Variants in GSPT1 observed in about 807,000 individuals in gnomAD.
GSPT1 encodes the protein eukaryotic peptide chain release factor GTP-binding subunit ERF3A.
Under a neutral mutation model 72.5 loss-of-function variants are expected in GSPT1, and 20 were observed. That is an observed-to-expected ratio of 0.28 (90% CI 0.19 to 0.40). The LOEUF is 0.40. GSPT1 is among the 10% of genes least tolerant of loss of function. The pLI is 1.00. For missense variants in GSPT1, 580 were observed against 811.9 expected, an observed-to-expected ratio of 0.71 and a Z score of 3.47; for synonymous variants, 334 against 293.5, an observed-to-expected ratio of 1.14 and a Z score of -1.41.
intron 11 of GSPT1, among the ~76,000 whole-genome samples, chr16:11,880,514 A>T (rs1244935213): frequency 6.6e-6 from 1 of 152,172 alleles, no homozygotes; most frequent in East Asian, 1.9e-4. Context: ...TTTAATTGAG[A>T]TGGGATCTCA....
intron 10 of GSPT1, among the ~76,000 whole-genome samples, chr16:11,884,464 T>G (rs1055083746): frequency 6.6e-6 from 1 of 152,210 alleles, no homozygotes; most frequent in Non-Finnish European, 1.5e-5. Flanking sequence ...GTTATGTTGT[T>G]AATAAAGTTT....
At chr16:11,913,083 T>C (rs1337689537) in intron 1 of GSPT1, among the ~76,000 whole-genome samples, 4 of 152,202 alleles carry the variant, frequency 2.6e-5, no homozygotes, top group Non-Finnish European at 5.9e-5. Context: ...AAAAAAACCT[T>C]GCAAACTTTT....
chr16:11,881,551 A>C (rs1255812162), intron 11 of GSPT1: 1 of 149,990 alleles, frequency 6.7e-6, no homozygotes, highest in East Asian at 2.0e-4. Flanking sequence ...TAATTCTAAA[A>C]CTTCATTGTC....
chr16:11,876,867 C>G (rs551493278), intron 12 of GSPT1, among the ~76,000 whole-genome samples: 40 of 152,230 alleles, frequency 2.6e-4, no homozygotes, highest in Non-Finnish European at 4.1e-4. Context: ...CCAGCTTTAT[C>G]CATTTCTCAA....
At chr16:11,888,422 A>C (rs970891116) in intron 6 of GSPT1, among the ~76,000 whole-genome samples, 1 of 151,024 alleles carries the variant, frequency 6.6e-6, no homozygotes, top group Non-Finnish European at 1.5e-5. Flanking sequence ...AGATCGTGCC[A>C]TCGCACTCCA....
At chr16:11,873,355 G>A (rs2053999878) in intron 14 of GSPT1, among the ~76,000 whole-genome samples, 184 bp from the exon 15 acceptor site, 1 of 151,970 alleles carries the variant, frequency 6.6e-6, no homozygotes, top group African/African-American at 2.4e-5. Context: ...TTATTTGGGG[G>A]GGCTGGTAAA....
chr16:11,913,534 T>C lies in GSPT1; in HGVS notation c.352+1835A>G, dbSNP rs8043940. Reference sequence around the variant, plus strand: ...GAAAGCCCGCATAAGAGGTAATACCTAGTCACCAACAGTGACCATTCTAGA... The same window carrying C: ...GAAAGCCCGCATAAGAGGTAATACCCAGTCACCAACAGTGACCATTCTAGA... On this transcript the variant is annotated intron_variant, in intron 1 of 14. Coordinates refer to ENST00000434724, the MANE Select transcript of GSPT1 (RefSeq NM_002094.4). Among the ~76,000 whole-genome samples the C allele has an allele frequency of 2.9e-3, 444 of 152,304 alleles. 5 individuals are homozygous for C. Among genetic ancestry groups the C allele is most frequent in the African/African-American group, 0.01 (423 of 41,566 alleles).
intron 1 of GSPT1, among the ~76,000 whole-genome samples, chr16:11,911,172 T>C (rs192053316): frequency 2.0e-5 from 3 of 152,280 alleles, no homozygotes; most frequent in African/African-American, 7.2e-5. Flanking sequence ...ATTATCTACC[T>C]CAACAGATAG....
rs1596481232 is a variant in GSPT1, at chr16:11,915,887, A to G, written c.-167T>C. ...CGCCGCGGCAGCAGCTCCAGTCCCGACTCCACACTCGCGACGACGACAGAG... is the reference window on the plus strand; with the variant it reads ...CGCCGCGGCAGCAGCTCCAGTCCCGGCTCCACACTCGCGACGACGACAGAG... On this transcript the variant is annotated 5_prime_UTR_variant, in exon 1 of 15. Coordinates refer to ENST00000434724, the MANE Select transcript of GSPT1 (RefSeq NM_002094.4). 1.0e-6 allele frequency: 1 copy of G among 990,752 alleles called. No individual in the cohort carries two copies. The highest frequency in any genetic ancestry group is 1.6e-5 in the African/African-American group (1 of 62,278). The allele number at this position is 990,752 out of a possible 1,614,324, so 61.4% of individuals were successfully genotyped here. A position where few individuals can be genotyped will look rare whatever the true frequency, so the allele number is the denominator to read the frequency against.
intron 1 of GSPT1, among the ~76,000 whole-genome samples, chr16:11,899,957 G>T (rs1045738957): frequency 6.6e-6 from 1 of 152,136 alleles, no homozygotes; most frequent in Non-Finnish European, 1.5e-5. Flanking sequence ...AATTTGTTTA[G>T]TGTCAGTTAA....
rs367704156 is a variant in GSPT1, at chr16:11,883,006, G to T, written c.1428+9C>A. ...TAAATAGATAGGAAACAGCATAACC[G>T]ATTCTTACCTTGTTTGGCATCATCA... On this transcript the variant is annotated intron_variant, in intron 11 of 14. Coordinates refer to ENST00000434724, the MANE Select transcript of GSPT1 (RefSeq NM_002094.4). 4 of 1,548,798 alleles carry T rather than the reference G, an allele frequency of 2.6e-6. No individual in the cohort carries two copies. Among genetic ancestry groups the T allele is most frequent in the Non-Finnish European group, 2.7e-6 (3 of 1,120,554 alleles).
intron 1 of GSPT1, among the ~76,000 whole-genome samples, chr16:11,904,919 T>C (rs1484933703): frequency 1.3e-5 from 2 of 152,054 alleles, no homozygotes; most frequent in East Asian, 3.9e-4. Context: ...ACTTCGTCCT[T>C]ACAAAAAATT....
intron 6 of GSPT1, among the ~76,000 whole-genome samples, chr16:11,888,706 G>A (rs1018023575): frequency 2.0e-5 from 3 of 152,140 alleles, no homozygotes; most frequent in African/African-American, 4.8e-5. Context: ...AGGTTGCAGT[G>A]AGCTGAGATC....
At chr16:11,901,285 G>A (rs906199999) in intron 1 of GSPT1, among the ~76,000 whole-genome samples, 2 of 152,114 alleles carry the variant, frequency 1.3e-5, no homozygotes, top group Non-Finnish European at 2.9e-5. Context: ...GGCTACTAAT[G>A]AGCCTGGGCT....
Position 11,915,728 on chromosome 16 carries a change from G to A in GSPT1, c.-8C>T, listed in dbSNP as rs1208728354. The A allele has an allele frequency of 7.2e-6, 11 of 1,523,198 alleles. No homozygotes were observed. The highest frequency in any genetic ancestry group is 4.1e-5 in the Admixed American group (2 of 48,830). The allele number at this position is 1,523,198 out of a possible 1,614,324, so 94.4% of individuals were successfully genotyped here. On this transcript the variant is annotated 5_prime_UTR_variant, in exon 1 of 15. Coordinates refer to ENST00000434724, the MANE Select transcript of GSPT1 (RefSeq NM_002094.4). ...GCCACTGCCCGGATCCATGATCGGG[G>A]GGGCCGTGTGTGTGGTGGACAGAGA...
chr16:11,902,153 C>A (rs139015734), intron 1 of GSPT1, among the ~76,000 whole-genome samples: 2 of 150,468 alleles, frequency 1.3e-5, no homozygotes, highest in African/African-American at 2.4e-5. Flanking sequence ...GAGGCCGAGG[C>A]GGGTGGATCA....
intron 14 of GSPT1, among the ~76,000 whole-genome samples, chr16:11,873,880 C>T (rs2054006894): frequency 6.6e-6 from 1 of 152,154 alleles, no homozygotes. Flanking sequence ...TGAGCCACCA[C>T]ACTGGGCCAA....
intron 11 of GSPT1, among the ~76,000 whole-genome samples, chr16:11,878,251 G>A (rs906798626): frequency 2.6e-5 from 4 of 152,110 alleles, no homozygotes; most frequent in African/African-American, 9.7e-5. Flanking sequence ...AAGTAGCTGG[G>A]ATTACAGGCA....
intron 11 of GSPT1, chr16:11,881,938 A>AC (rs1444742686): frequency 1.3e-5 from 2 of 152,300 alleles, no homozygotes; most frequent in African/African-American, 4.8e-5. Context: ...GGTGTTAGCC[A>AC]CCATGCCTGG....
Sources: gnomAD v4.1 joint callset for allele counts (sites outside exome capture counted in the v4.1 genomes callset) on GRCh38, gnomAD v4.1.1 for gene constraint, MANE v1.5 for transcripts, NCBI Gene and HGNC (gene_info 2026-07-23, HGNC 2026-07-21) for gene names.